The following ITGAE variants were observed in gnomAD, a reference collection of about 807,000 sequenced individuals.
ITGAE encodes the protein integrin subunit alpha E.
In ITGAE, 99 loss-of-function variants were observed where a neutral mutation model predicts 136.5. The ratio of observed to expected loss-of-function variants is 0.73; its 90% CI spans 0.62 to 0.86. ITGAE has a LOEUF of 0.86. ITGAE is among the 40% of genes least tolerant of loss of function. ITGAE has a pLI of 0.00. For missense variants in ITGAE, 1,447 were observed against 1,515.3 expected (o/e 0.95, Z 0.75); for synonymous variants, 613 against 591.8 (o/e 1.04, Z -0.52).
rs149604307 is a variant in ITGAE, at chr17:3,758,215, C to G, written c.867-356G>C. On this transcript the variant is annotated intron_variant, in intron 8 of 30. Transcript: ENST00000263087. ...ACACTGTATATTTTAAGCCATCCAA[C>G]CATCACAAAATCTATCAGGCAAGTG... 4.9e-3 allele frequency among the ~76,000 whole-genome samples: 747 copies of G among 152,290 alleles called. 8 individuals carry two copies. The highest frequency in any genetic ancestry group is 0.017 in the African/African-American group (720 of 41,568).
intron 2 of ITGAE, among the ~76,000 whole-genome samples, chr17:3,773,840 C>T (rs150909604): frequency 0.014 from 2,205 of 152,198 alleles, 32 homozygotes; most frequent in Middle Eastern, 0.037. Context: ...TGGGGGCTGC[C>T]GGTCCCCCGT....
Position 3,763,876 on chromosome 17 carries a change from A to C in ITGAE, c.240T>G (p.His80Gln). The C allele has an allele frequency of 6.2e-7, 1 of 1,613,550 alleles. No individual in the cohort carries two copies. Among genetic ancestry groups the C allele is most frequent in the African/African-American group, 1.3e-5 (1 of 74,952 alleles). The change falls in exon 3 of 31, where the codon CAT (histidine) becomes CAG (glutamine). Residue 80 changes from histidine (H) to glutamine (Q), a missense_variant. Physicochemically the swap from His to Gln is conservative, Grantham distance 24 (BLOSUM62 0). Coordinates refer to ENST00000263087, the MANE Select transcript of ITGAE (RefSeq NM_002208.5). ...GAGTTGGGGCTGACTTACCTACAGG[A>C]TGGCAAAGGATTTCATCCTGGACAA... is the stretch of plus-strand genomic sequence containing the variant. ...CSLVQDEILCHPVEHVPIPKG... is the reference protein window; with the variant it reads ...CSLVQDEILCQPVEHVPIPKG...
intron 14 of ITGAE, among the ~76,000 whole-genome samples, 166 bp downstream of exon 14, chr17:3,753,124 C>T (rs191429644): frequency 1.1e-4 from 16 of 152,318 alleles, no homozygotes; most frequent in Middle Eastern, 3.4e-3. Flanking sequence ...AAAGTGGGTG[C>T]GGAGAGCGAT....
In ITGAE at chr17:3,720,412, G is replaced by A; in HGVS notation, c.3238-10C>T. ...TTACATCTTTTAGTAACTAGAAGATGGGGAAAGGAATGAGGGAAACAAAAC... is the reference window on the plus strand; with the variant it reads ...TTACATCTTTTAGTAACTAGAAGATAGGGAAAGGAATGAGGGAAACAAAAC... On this transcript the variant is annotated splice_polypyrimidine_tract_variant and intron_variant, in intron 28 of 30. Coordinates refer to ENST00000263087, the MANE Select transcript of ITGAE (RefSeq NM_002208.5). The A allele has an allele frequency of 1.6e-6, 2 of 1,272,796 alleles. No homozygotes were observed. Among genetic ancestry groups the A allele is most frequent in the African/African-American group, 1.5e-5 (1 of 68,422 alleles). The allele number at this position is 1,272,796 out of a possible 1,614,324, so 78.8% of individuals were successfully genotyped here. A position where few individuals can be genotyped will look rare whatever the true frequency, so the allele number is the denominator to read the frequency against.
chr17:3,725,033 G>A (rs2051174501), intron 26 of ITGAE: 1 of 1,614,170 alleles, frequency 6.2e-7, no homozygotes, highest in Non-Finnish European at 8.5e-7. Flanking sequence ...GAAAAGATTC[G>A]TTCCCCACCC....
intron 20 of ITGAE, among the ~76,000 whole-genome samples, chr17:3,739,480 G>C (rs1029803179): frequency 2.0e-5 from 3 of 152,190 alleles, no homozygotes; most frequent in Non-Finnish European, 4.4e-5. Context: ...CTGAGGTAGA[G>C]GTCAGCCTGG....
rs191932072 is a variant in ITGAE, at chr17:3,715,965, G to A, written c.3444+723C>T. The stretch of plus-strand genomic sequence containing the variant: ...AGGTCAGGAGTTTGAGACCAGCCTG[G>A]CCAATATGGTGAAACCCCGTCTCTA... On this transcript the variant is annotated intron_variant, in intron 30 of 30. Coordinates refer to ENST00000263087, the MANE Select transcript of ITGAE (RefSeq NM_002208.5). Among the ~76,000 whole-genome samples the A allele has an allele frequency of 5.9e-5, 9 of 152,206 alleles. No individual in the cohort carries two copies. In the East Asian group the frequency reaches 1.7e-3, roughly 29 times the overall value.
intron 1 of ITGAE, among the ~76,000 whole-genome samples, chr17:3,796,142 T>C (rs1401477573): frequency 8.8e-6 from 1 of 113,626 alleles, no homozygotes; most frequent in Non-Finnish European, 1.9e-5. Flanking sequence ...TCCATGTGTG[T>C]GCATCCGTGT....
At chr17:3,760,428 A>AG in intron 6 of ITGAE, 141 bp from the exon 7 acceptor site, 2 of 93,964 alleles carry the variant, frequency 2.1e-5, no homozygotes, top group Non-Finnish European at 4.3e-5. Context: ...CCAAGAGGGA[A>AG]GCTTTTTTTT....
intron 1 of ITGAE, among the ~76,000 whole-genome samples, chr17:3,796,053 G>GTGTGTGCATC (rs1567565452): frequency 2.0e-4 from 3 of 15,036 alleles, no homozygotes; most frequent in South Asian, 8.9e-4. Context: ...GTGTGCATCT[G>GTGTGTGCATC]TGTGTGTGCA....
At chr17:3,742,363 A>C (rs949897171) in intron 19 of ITGAE, among the ~76,000 whole-genome samples, 6 of 152,140 alleles carry the variant, frequency 3.9e-5, no homozygotes, top group Non-Finnish European at 8.8e-5. Flanking sequence ...ATTAGATAAT[A>C]GTATTTTATC....
intron 1 of ITGAE, among the ~76,000 whole-genome samples, chr17:3,780,378 T>G (rs2052638890): frequency 6.6e-6 from 1 of 152,112 alleles, no homozygotes; most frequent in South Asian, 2.1e-4. Context: ...TAAGCCAGGT[T>G]GGTCTCGATC....
Position 3,756,968 on chromosome 17 carries a change from G to A in ITGAE, c.1171+16C>T. 6.2e-7 allele frequency: 1 copy of A among 1,605,854 alleles called. No individual in the cohort carries two copies. The highest frequency in any genetic ancestry group is 8.5e-7 in the Non-Finnish European group (1 of 1,175,764). Reference sequence around the variant, plus strand: ...GCTCGGGCCTCCTGCGGTGGCCTGGGTCCCGGAGCCCTCACCTTCCATGCT... The same window carrying A: ...GCTCGGGCCTCCTGCGGTGGCCTGGATCCCGGAGCCCTCACCTTCCATGCT... On this transcript the variant is annotated intron_variant, in intron 10 of 30. Transcript: ENST00000263087.
chr17:3,740,709 T>A (rs2051565318), intron 19 of ITGAE, among the ~76,000 whole-genome samples: 1 of 152,194 alleles, frequency 6.6e-6, no homozygotes, highest in African/African-American at 2.4e-5. Flanking sequence ...ACTATTTCCC[T>A]TGCCTACACA....
At chr17:3,726,641 A>G in intron 26 of ITGAE, 1 of 295,532 alleles carries the variant, frequency 3.4e-6, no homozygotes, top group Non-Finnish European at 6.2e-6. Flanking sequence ...TAGCCTGGTC[A>G]ACATAGCAAG....
At chr17:3,761,661 G>T (rs758607960) in intron 4 of ITGAE, 141 bp from the exon 5 acceptor site, 63 of 793,980 alleles carry the variant, frequency 7.9e-5, no homozygotes, top group Non-Finnish European at 9.8e-5. Context: ...CCCTCACCGG[G>T]TGTAGGAGTC....
At chr17:3,796,040 CGTGTGTGCATCTGT>C (rs1438702890) in intron 1 of ITGAE, among the ~76,000 whole-genome samples, 7 of 63,474 alleles carry the variant, frequency 1.1e-4, no homozygotes, top group African/African-American at 2.7e-4. Flanking sequence ...CGTGTGCATC[CGTGTGTGCATCTGT>C]GTGTGTGCAT....
chr17:3,725,790 T>C lies in ITGAE; in HGVS notation c.3085-2046A>G, dbSNP rs371510590. 3.1e-5 allele frequency: 50 copies of C among 1,605,114 alleles called. No individual in the cohort carries two copies. In the Middle Eastern group the frequency reaches 6.6e-4, roughly 21 times the overall value. ...TGACTTAGAGCAAATGCGAACCAAG[T>C]TGTCTTCCTTGGCTACTGCAAAGAG... is the stretch of plus-strand genomic sequence containing the variant. On this transcript the variant is annotated intron_variant, in intron 26 of 30. Coordinates refer to ENST00000263087, the MANE Select transcript of ITGAE (RefSeq NM_002208.5).
intron 2 of ITGAE, among the ~76,000 whole-genome samples, chr17:3,774,370 G>T (rs541252198): frequency 6.6e-6 from 1 of 152,266 alleles, no homozygotes; most frequent in South Asian, 2.1e-4. Flanking sequence ...AAATGGGGGA[G>T]AAATCACTGC....
Sources: gnomAD v4.1 joint callset for allele counts (sites outside exome capture counted in the v4.1 genomes callset) on GRCh38, gnomAD v4.1.1 for gene constraint, MANE v1.5 for transcripts, NCBI Gene and HGNC (gene_info 2026-07-23, HGNC 2026-07-21) for gene names.